Variants in STUM observed in about 807,000 individuals in gnomAD.
STUM encodes the protein protein stum homolog.
Under a neutral mutation model 15.3 loss-of-function variants are expected in STUM, and 8 were observed. That is an observed-to-expected ratio of 0.52 (90% CI 0.31 to 0.94). The LOEUF is 0.94. STUM is among the 40% of genes least tolerant of loss of function. STUM has a pLI of 0.05. For missense variants in STUM, 142 were observed against 204.9 expected (o/e 0.69, Z 1.87); for synonymous variants, 78 against 88.7 (o/e 0.88, Z 0.68).
chr1:226,585,517 A>C (rs1404983134), intron 1 of STUM, among the ~76,000 whole-genome samples: 1 of 152,216 alleles, frequency 6.6e-6, no homozygotes, highest in African/African-American at 2.4e-5. Context: ...GGTCTAGAGA[A>C]GTGCCATCAT....
At chr1:226,578,000 C>A (rs1425572536) in intron 1 of STUM, among the ~76,000 whole-genome samples, 1 of 152,148 alleles carries the variant, frequency 6.6e-6, no homozygotes, top group East Asian at 1.9e-4. Context: ...TGACACGCAG[C>A]CTTACTTTTT....
Position 226,605,339 on chromosome 1 carries a change from C to T in STUM, c.*3299C>T, listed in dbSNP as rs1668339273. 1 of 152,446 alleles carries T rather than the reference C, an allele frequency of 6.6e-6. No individual in the cohort carries two copies. The highest frequency in any genetic ancestry group is 1.5e-5 in the Non-Finnish European group (1 of 68,246). The allele number at this position is 152,446 out of a possible 1,614,324, so 9.4% of individuals were successfully genotyped here. ...TCCGAGAGAGTAAGTCATGTGCCCC[C>T]AAACACTCAGCTCCTAAGTGGCAGG... On this transcript the variant is annotated 3_prime_UTR_variant, in exon 4 of 4. Coordinates refer to ENST00000366788, the MANE Select transcript of STUM (RefSeq NM_001003665.4). The surrounding 1 kb of genome is among the most constrained non-coding windows in gnomAD (Gnocchi z 4.0).
chr1:226,568,631 G>C (rs1667659092), intron 1 of STUM, among the ~76,000 whole-genome samples: 1 of 152,262 alleles, frequency 6.6e-6, no homozygotes, highest in Non-Finnish European at 1.5e-5. Context: ...GCTGAGCAAA[G>C]AACAGCCAGG....
intron 1 of STUM, among the ~76,000 whole-genome samples, chr1:226,550,833 G>A (rs1038488948): frequency 3.3e-5 from 5 of 152,132 alleles, no homozygotes; most frequent in African/African-American, 9.7e-5. Context: ...TGACAGCATC[G>A]GCTGCAGGGC....
In STUM at chr1:226,549,744, G is replaced by T. The variant is rs1427134520; in HGVS notation, c.202+638G>T. On this transcript the variant is annotated intron_variant, in intron 1 of 3. Transcript: ENST00000366788. The surrounding 1 kb of genome is among the most constrained non-coding windows in gnomAD (Gnocchi z 6.8). ...GATGGGGGATGATTTTATTAGTTTG[G>T]ATGCATGTGGCCAGAGATGAACCCA... is the stretch of plus-strand genomic sequence containing the variant. Among the ~76,000 whole-genome samples, 2 of 152,182 alleles carry T rather than the reference G, an allele frequency of 1.3e-5. No homozygotes were observed. Among genetic ancestry groups the T allele is most frequent in the Non-Finnish European group, 2.9e-5 (2 of 68,038 alleles).
At chr1:226,557,129 C>T (rs1667459358) in intron 1 of STUM, among the ~76,000 whole-genome samples, 1 of 152,200 alleles carries the variant, frequency 6.6e-6, no homozygotes, top group African/African-American at 2.4e-5. Flanking sequence ...ACCATCTCTC[C>T]ATTTCCCTCG....
At chr1:226,592,816 C>T (rs1668111054) in intron 1 of STUM, among the ~76,000 whole-genome samples, 1 of 152,250 alleles carries the variant, frequency 6.6e-6, no homozygotes, top group Non-Finnish European at 1.5e-5. Context: ...CTACCAAGCC[C>T]TGAGCCCACA....
rs1046479925 is a variant in STUM at position 226,549,285 on chromosome 1, C to T, written c.202+179C>T. ...GTGGCAGAAGCGCGTGGAGTGTGCA[C>T]CCCAGAGGGGAGAGGCTGCGCTGGG... On this transcript the variant is annotated intron_variant, in intron 1 of 3. Transcript: ENST00000366788. This position sits in a 1 kb window ranked among gnomAD's most constrained non-coding sequence, Gnocchi z 6.8. Among the ~76,000 whole-genome samples, 7 of 152,128 alleles carry T rather than the reference C, an allele frequency of 4.6e-5. No homozygotes were observed. Among genetic ancestry groups the T allele is most frequent in the African/African-American group, 1.7e-4 (7 of 41,436 alleles).
intron 1 of STUM, among the ~76,000 whole-genome samples, chr1:226,595,690 G>C (rs1208061296): frequency 6.6e-6 from 1 of 152,210 alleles, no homozygotes; most frequent in African/African-American, 2.4e-5. Flanking sequence ...CCTTACTACA[G>C]GGAGGCAGCG....
At chr1:226,593,043 G>A (rs896099306) in intron 1 of STUM, among the ~76,000 whole-genome samples, 2 of 152,112 alleles carry the variant, frequency 1.3e-5, no homozygotes, top group East Asian at 1.9e-4. Flanking sequence ...AAAATTAGCC[G>A]GGCATGATGG....
At chr1:226,561,287 G>T (rs902058516) in intron 1 of STUM, among the ~76,000 whole-genome samples, 3 of 152,168 alleles carry the variant, frequency 2.0e-5, no homozygotes, top group African/African-American at 4.8e-5. Flanking sequence ...TGAAGTGAAG[G>T]TATGTTTGCA....
rs796532603 is a variant in STUM, at chr1:226,604,564, G to C, written c.*2524G>C. 13 of 152,334 alleles carry C rather than the reference G, an allele frequency of 8.5e-5. 1 individual carries two copies. The highest frequency in any genetic ancestry group is 3.1e-4 in the African/African-American group (13 of 41,576). 9.4% of individuals were successfully genotyped at this position (152,334 alleles called of 1,614,324 possible). A position where few individuals can be genotyped will look rare whatever the true frequency, so the allele number is the denominator to read the frequency against. ...CCCTCTAAATTAGACCGTGGTCTCAGCATGATCATCTTCAGTAGATAAGGG... is the reference window on the plus strand; with the variant it reads ...CCCTCTAAATTAGACCGTGGTCTCACCATGATCATCTTCAGTAGATAAGGG... On this transcript the variant is annotated 3_prime_UTR_variant, in exon 4 of 4. Transcript: ENST00000366788. The surrounding 1 kb of genome is among the most constrained non-coding windows in gnomAD (Gnocchi z 4.7).
At chr1:226,556,609 A>G (rs1204775820) in intron 1 of STUM, among the ~76,000 whole-genome samples, 1 of 152,172 alleles carries the variant, frequency 6.6e-6, no homozygotes, top group Non-Finnish European at 1.5e-5. Context: ...GAAAAGGGAG[A>G]TGAACTAGAA....
At chr1:226,579,368 GGTGCTGGGCTGC>G (rs1242360411) in intron 1 of STUM, among the ~76,000 whole-genome samples, 1 of 152,236 alleles carries the variant, frequency 6.6e-6, no homozygotes, top group Non-Finnish European at 1.5e-5. Context: ...TTCTGTGCCA[GGTGCTGGGCTGC>G]GTGCTGGGAA....
intron 1 of STUM, among the ~76,000 whole-genome samples, chr1:226,578,517 C>A (rs2102699906): frequency 6.6e-6 from 1 of 151,652 alleles, no homozygotes; most frequent in Non-Finnish European, 1.5e-5. Context: ...AGGCATGCAC[C>A]ACCATGCCTG....
intron 2 of STUM, among the ~76,000 whole-genome samples, chr1:226,598,262 G>C (rs1357058116): frequency 6.6e-6 from 1 of 152,192 alleles, no homozygotes; most frequent in African/African-American, 2.4e-5. Flanking sequence ...GTGCTCTGCA[G>C]GCTCCTGACC....
intron 1 of STUM, among the ~76,000 whole-genome samples, chr1:226,550,333 TG>T (rs1667353356): frequency 6.6e-6 from 1 of 152,196 alleles, no homozygotes; most frequent in South Asian, 2.1e-4. Flanking sequence ...AAGGGGCTGC[TG>T]CGGCCAGAGC....
At chr1:226,574,470 G>C (rs764851019) in intron 1 of STUM, among the ~76,000 whole-genome samples, 4 of 152,212 alleles carry the variant, frequency 2.6e-5, no homozygotes, top group Non-Finnish European at 5.9e-5. Flanking sequence ...TCCTGGAGTT[G>C]AATGTCGTTG....
intron 1 of STUM, among the ~76,000 whole-genome samples, chr1:226,562,532 T>A (rs1667559740): frequency 6.7e-6 from 1 of 149,988 alleles, no homozygotes; most frequent in South Asian, 2.1e-4. Context: ...AAAATTAACA[T>A]CATCAACAAG....
Sources: allele counts gnomAD v4.1 joint callset (sites outside exome capture counted in the v4.1 genomes callset), GRCh38; gene constraint gnomAD v4.1.1; non-coding constraint Gnocchi (gnomAD v3.1); transcripts MANE v1.5; gene names NCBI Gene and HGNC (gene_info 2026-07-23, HGNC 2026-07-21).